The following PPP2R5C variants were observed in gnomAD, a reference collection of about 807,000 sequenced individuals.
PPP2R5C encodes the protein serine/threonine-protein phosphatase 2A 56 kDa regulatory subunit gamma isoform.
In PPP2R5C, 7 loss-of-function variants were observed where a neutral mutation model predicts 68.9. The ratio of observed to expected loss-of-function variants is 0.10; its 90% CI spans 0.06 to 0.19. PPP2R5C has a LOEUF of 0.19. Among genes scored for constraint, PPP2R5C ranks in the 10% least tolerant of loss-of-function variants. The pLI is 1.00. For synonymous variants in PPP2R5C, 210 were observed against 222.2 expected, an observed-to-expected ratio of 0.95 and a Z score of 0.49; for missense variants, 348 against 641.3, an observed-to-expected ratio of 0.54 and a Z score of 4.94.
At chr14:101,922,514 AAAAG>A (rs2047067597) in intron 13 of PPP2R5C, among the ~76,000 whole-genome samples, 2 of 149,590 alleles carry the variant, frequency 1.3e-5, no homozygotes, top group South Asian at 2.1e-4. Context: ...ATAATTTTTA[AAAAG>A]AAAGAAATTT....
At chr14:101,856,936 G>A (rs750529650) in intron 2 of PPP2R5C, 51 bp downstream of exon 4, 2 of 1,534,740 alleles carry the variant, frequency 1.3e-6, no homozygotes, top group South Asian at 1.1e-5. Context: ...TTATAAACAG[G>A]ACAGGCCAAG....
At chr14:101,796,796 G>C (rs924706987) in intron 3 of PPP2R5C, 1 of 216,118 alleles carries the variant, frequency 4.6e-6, no homozygotes, top group African/African-American at 2.3e-5. Flanking sequence ...ACCGCACACA[G>C]AGACCACTTC....
intron 1 of PPP2R5C, among the ~76,000 whole-genome samples, chr14:101,821,789 A>G (rs1021261391): frequency 2.6e-5 from 4 of 151,910 alleles, no homozygotes; most frequent in Non-Finnish European, 5.9e-5. Flanking sequence ...TGGAAGGTGG[A>G]GCTGTCACAG....
intron 3 of PPP2R5C, among the ~76,000 whole-genome samples, chr14:101,795,289 T>A (rs2038555711): frequency 6.6e-6 from 1 of 152,222 alleles, no homozygotes; most frequent in South Asian, 2.1e-4. Context: ...TAGCACCACA[T>A]ACAGAGTATG....
chr14:101,912,479 A>G lies in PPP2R5C; in HGVS notation c.1326+6A>G, dbSNP rs1273899762. 6.3e-7 allele frequency: 1 copy of G among 1,599,874 alleles called. No individual in the cohort carries two copies. Among genetic ancestry groups the G allele is most frequent in the Non-Finnish European group, 8.5e-7 (1 of 1,176,092 alleles). ...TAGCCAAAGCCAATCCCCAGGTACT[A>G]AAAAAGAGAATAACATGAAAACGCC... On this transcript the variant is annotated splice_donor_region_variant and intron_variant, in intron 12 of 13. Coordinates refer to ENST00000334743, the Ensembl canonical transcript of PPP2R5C.
intron 2 of PPP2R5C, among the ~76,000 whole-genome samples, chr14:101,780,841 G>T (rs190312739): frequency 6.6e-6 from 1 of 152,328 alleles, no homozygotes; most frequent in East Asian, 1.9e-4. Flanking sequence ...GCATGGAATT[G>T]CTCCGGTGTG....
intron 5 of PPP2R5C, among the ~76,000 whole-genome samples, chr14:101,885,040 C>T (rs932095010): frequency 2.0e-5 from 3 of 152,168 alleles, no homozygotes; most frequent in Admixed American, 6.5e-5. Context: ...CAGGATGTTG[C>T]GAGGTAGTGA....
At chr14:101,772,339 G>A (rs577317337) in intron 2 of PPP2R5C, among the ~76,000 whole-genome samples, 1 of 152,124 alleles carries the variant, frequency 6.6e-6, no homozygotes, top group South Asian at 2.1e-4. Context: ...GCCTACACCT[G>A]ATACCCACAC....
chr14:101,779,271 G>A (rs916538236), intron 2 of PPP2R5C, among the ~76,000 whole-genome samples: 1 of 152,114 alleles, frequency 6.6e-6, no homozygotes, highest in Admixed American at 6.5e-5. Context: ...ACGGGGACAT[G>A]AGATGTGTCC....
In PPP2R5C at chr14:101,883,515, A is replaced by C. The variant is rs148380106; in HGVS notation, c.582A>C (p.Leu194=). The change falls in exon 5 of 14, where the codon CTA becomes CTC. Residue 194 remains leucine, a synonymous_variant. Coordinates refer to ENST00000334743, the Ensembl canonical transcript of PPP2R5C. The stretch of plus-strand genomic sequence containing the variant: ...TTCACAGAATCTATGGGAAATTCCT[A>C]GGCTTGAGAGCTTACATCAGAAAAC... 656 of 1,613,688 alleles carry C rather than the reference A, an allele frequency of 4.1e-4. 2 individuals are homozygous for C. The African/African-American group carries it at 7.6e-3, about 19-fold the overall frequency.
chr14:101,791,740 A>G (rs1238426124), intron 3 of PPP2R5C, among the ~76,000 whole-genome samples: 1 of 152,006 alleles, frequency 6.6e-6, no homozygotes, highest in Non-Finnish European at 1.5e-5. Context: ...TCTCTTGAAC[A>G]TACCATCAAA....
At chr14:101,897,917 G>T (rs749078501) in intron 8 of PPP2R5C, among the ~76,000 whole-genome samples, 10 of 152,138 alleles carry the variant, frequency 6.6e-5, no homozygotes, top group Non-Finnish European at 1.2e-4. Flanking sequence ...CACTTTGGGA[G>T]GCCAAGGCAG....
chr14:101,791,364 A>T (rs1318246248), intron 3 of PPP2R5C, among the ~76,000 whole-genome samples: 1 of 152,010 alleles, frequency 6.6e-6, no homozygotes, highest in Non-Finnish European at 1.5e-5. Context: ...GTCTTTTTTT[A>T]AGTTGGTTGT....
rs1353649467 is a variant in PPP2R5C at position 101,916,312 on chromosome 14, G to A, written c.1327-1519G>A. ...AAGGAAGGAACCCAGCTGAGGGTGT[G>A]TGCCCCGTCTGTTTTTGGGGGACGT... On this transcript the variant is annotated intron_variant, in intron 12 of 13. Transcript: ENST00000334743. The surrounding 1 kb of genome is among the most constrained non-coding windows in gnomAD (Gnocchi z 5.5). 1.3e-5 allele frequency among the ~76,000 whole-genome samples: 2 copies of A among 152,150 alleles called. No homozygotes were observed. Among genetic ancestry groups the A allele is most frequent in the African/African-American group, 4.8e-5 (2 of 41,432 alleles).
chr14:101,841,919 C>T (rs2041497989), intron 1 of PPP2R5C, among the ~76,000 whole-genome samples: 1 of 152,146 alleles, frequency 6.6e-6, no homozygotes, highest in Admixed American at 6.5e-5. Flanking sequence ...GAGCTCTCAG[C>T]TCCCCATGGA....
At chr14:101,821,831 C>T (rs1425481315) in intron 1 of PPP2R5C, among the ~76,000 whole-genome samples, 2 of 152,020 alleles carry the variant, frequency 1.3e-5, no homozygotes, top group African/African-American at 4.8e-5. Context: ...TGCATAGGTG[C>T]TCTAGGCTAA....
At chr14:101,796,054 C>A (rs936026964) in intron 3 of PPP2R5C, among the ~76,000 whole-genome samples, 4 of 152,174 alleles carry the variant, frequency 2.6e-5, no homozygotes, top group African/African-American at 9.7e-5. Flanking sequence ...AACTCCTGGG[C>A]TCAAGTGATC....
At chr14:101,897,527 G>A (rs1404477626) in intron 8 of PPP2R5C, among the ~76,000 whole-genome samples, 1 of 151,886 alleles carries the variant, frequency 6.6e-6, no homozygotes. Flanking sequence ...TCCGATGTTC[G>A]AGGGCAGGAA....
chr14:101,815,818 T>C (rs553177075), intron 1 of PPP2R5C, among the ~76,000 whole-genome samples: 14 of 152,240 alleles, frequency 9.2e-5, no homozygotes, highest in South Asian at 4.1e-4. Context: ...TACAGGTGCA[T>C]GCCACCACGC....
Sources: gnomAD v4.1 joint callset for allele counts (sites outside exome capture counted in the v4.1 genomes callset) on GRCh38, gnomAD v4.1.1 for gene constraint, Gnocchi (gnomAD v3.1) non-coding constraint, MANE v1.5 for transcripts, NCBI Gene and HGNC (gene_info 2026-07-23, HGNC 2026-07-21) for gene names.